Variants in APBB1IP observed in about 807,000 individuals in gnomAD.
APBB1IP encodes amyloid beta precursor protein binding family B member 1 interacting protein, also known as amyloid beta A4 precursor protein-binding family B member 1-interacting protein.
Under a neutral mutation model 64.9 loss-of-function variants are expected in APBB1IP, and 27 were observed. The ratio of observed to expected loss-of-function variants is 0.42; its 90% CI spans 0.31 to 0.57. The LOEUF (loss-of-function observed/expected upper bound fraction) is 0.57. APBB1IP is among the 20% of genes least tolerant of loss of function. The pLI is 0.20. For missense variants in APBB1IP, 812 were observed against 845.5 expected (o/e 0.96, Z 0.49); for synonymous variants, 392 against 331.0 (o/e 1.18, Z -2.00).
At chr10:26,536,590 T>C (rs1193353641) in intron 10 of APBB1IP, among the ~76,000 whole-genome samples, 2 of 111,980 alleles carry the variant, frequency 1.8e-5, no homozygotes, top group Non-Finnish European at 3.6e-5. Flanking sequence ...TAAGATTTTC[T>C]TTCTTTTTTT....
chr10:26,490,888 T>G (rs948441421), intron 2 of APBB1IP, among the ~76,000 whole-genome samples: 6 of 152,130 alleles, frequency 3.9e-5, no homozygotes, highest in African/African-American at 1.4e-4. Flanking sequence ...ATATTGTGAT[T>G]TGGCTTAAAT....
intron 11 of APBB1IP, among the ~76,000 whole-genome samples, chr10:26,548,081 A>G (rs1836788914): frequency 6.6e-6 from 1 of 152,160 alleles, no homozygotes; most frequent in Admixed American, 6.5e-5. Flanking sequence ...TGACTCCTCC[A>G]GCTTTGTTCT....
intron 8 of APBB1IP, among the ~76,000 whole-genome samples, chr10:26,515,594 C>T (rs1836316182): frequency 6.6e-6 from 1 of 152,222 alleles, no homozygotes; most frequent in Non-Finnish European, 1.5e-5. Context: ...ATAACTCCTC[C>T]ATGAGGCACC....
chr10:26,529,869 G>A (rs1836526148), intron 8 of APBB1IP, among the ~76,000 whole-genome samples: 1 of 152,146 alleles, frequency 6.6e-6, no homozygotes, highest in African/African-American at 2.4e-5. Context: ...TCGAACTGCT[G>A]ACCTCAGGTG....
At chr10:26,558,900 C>A (rs1836930877) in intron 11 of APBB1IP, among the ~76,000 whole-genome samples, 1 of 152,240 alleles carries the variant, frequency 6.6e-6, no homozygotes, top group African/African-American at 2.4e-5. Context: ...AAGGCCTGTT[C>A]AGCAACCGGA....
chr10:26,529,077 G>A (rs1040958009), intron 8 of APBB1IP, among the ~76,000 whole-genome samples: 2 of 152,208 alleles, frequency 1.3e-5, no homozygotes, highest in African/African-American at 4.8e-5. Flanking sequence ...TTCCTATCCA[G>A]CTGTCCCCAA....
At chr10:26,496,211 T>C (rs1836022164) in intron 3 of APBB1IP, 93 bp from the exon 4 acceptor site, 2 of 934,236 alleles carry the variant, frequency 2.1e-6, no homozygotes, top group African/African-American at 3.3e-5. Flanking sequence ...AGAAAATGTG[T>C]AAATGATACA....
intron 11 of APBB1IP, among the ~76,000 whole-genome samples, chr10:26,551,123 G>A (rs1489125316): frequency 6.6e-6 from 1 of 152,170 alleles, no homozygotes; most frequent in African/African-American, 2.4e-5. Flanking sequence ...CCCATCTGGT[G>A]TATCATCACA....
intron 8 of APBB1IP, among the ~76,000 whole-genome samples, chr10:26,531,317 CAG>C (rs1836549852): frequency 6.6e-6 from 1 of 152,034 alleles, no homozygotes; most frequent in Non-Finnish European, 1.5e-5. Context: ...GCCTGGGTGA[CAG>C]AGCAAGACGC....
At chr10:26,478,550 G>A (rs1350023527) in intron 2 of APBB1IP, among the ~76,000 whole-genome samples, 1 of 151,924 alleles carries the variant, frequency 6.6e-6, no homozygotes, top group Non-Finnish European at 1.5e-5. Context: ...GGGAGCTGGA[G>A]GTTGCAGTGA....
chr10:26,538,580 G>T (rs113773717), intron 10 of APBB1IP, among the ~76,000 whole-genome samples: 14,626 of 150,006 alleles, frequency 0.098, 990 homozygotes, highest in East Asian at 0.21. Context: ...GGCGGAGGTT[G>T]CAGTGAGCCA....
At chr10:26,463,913 C>A (rs1193333680) in intron 2 of APBB1IP, among the ~76,000 whole-genome samples, 3 of 152,138 alleles carry the variant, frequency 2.0e-5, no homozygotes, top group African/African-American at 7.2e-5. Flanking sequence ...CCCGGACAGG[C>A]CCTGGTGTGT....
intron 2 of APBB1IP, among the ~76,000 whole-genome samples, chr10:26,449,927 A>G (rs186876147): frequency 6.6e-6 from 1 of 152,114 alleles, no homozygotes; most frequent in Non-Finnish European, 1.5e-5. Context: ...GGATTAATTG[A>G]GCCCAGGAAG....
chr10:26,530,588 G>T (rs1056060868), intron 8 of APBB1IP, among the ~76,000 whole-genome samples: 2 of 151,916 alleles, frequency 1.3e-5, no homozygotes, highest in African/African-American at 4.8e-5. Flanking sequence ...TACTCGGGAG[G>T]CTGAGGCAGG....
At chr10:26,561,430 C>T (rs1166281246) in intron 13 of APBB1IP, among the ~76,000 whole-genome samples, 1 of 149,334 alleles carries the variant, frequency 6.7e-6, no homozygotes, top group Non-Finnish European at 1.5e-5. Context: ...GCTCTGTCAC[C>T]CAGGCTGGAG....
intron 11 of APBB1IP, among the ~76,000 whole-genome samples, chr10:26,546,626 A>G (rs1836768500): frequency 6.6e-6 from 1 of 152,090 alleles, no homozygotes. Flanking sequence ...GTGTACCAGA[A>G]CTTATTCTTC....
chr10:26,465,153 T>C (rs893679172), intron 2 of APBB1IP, among the ~76,000 whole-genome samples: 2 of 152,220 alleles, frequency 1.3e-5, no homozygotes, highest in African/African-American at 4.8e-5. Context: ...TATGATTAAA[T>C]TAAAAGGCTG....
intron 11 of APBB1IP, among the ~76,000 whole-genome samples, chr10:26,545,684 C>T (rs1421450030): frequency 6.6e-6 from 1 of 151,536 alleles, no homozygotes; most frequent in African/African-American, 2.4e-5. Flanking sequence ...GGCGTGAACC[C>T]GGGAGGCGGA....
intron 2 of APBB1IP, among the ~76,000 whole-genome samples, chr10:26,440,764 CATCA>C (rs748704643): frequency 2.8e-4 from 42 of 152,176 alleles, no homozygotes; most frequent in South Asian, 2.1e-4. Context: ...TTTTTTCACT[CATCA>C]ATCAAAGTTT....
Sources: allele counts gnomAD v4.1 joint callset (sites outside exome capture counted in the v4.1 genomes callset), GRCh38; gene constraint gnomAD v4.1.1; transcripts MANE v1.5; gene names NCBI Gene and HGNC (gene_info 2026-07-23, HGNC 2026-07-21).